Variants in ADAM12 observed in about 807,000 individuals in gnomAD.
The protein encoded by ADAM12 is ADAM metallopeptidase domain 12.
Under a neutral mutation model 106.4 loss-of-function variants are expected in ADAM12, and 70 were observed. That is an observed-to-expected ratio of 0.66 (90% CI 0.54 to 0.80). ADAM12 has a LOEUF of 0.80. ADAM12 is among the 30% of genes least tolerant of loss of function. ADAM12 has a pLI of 0.00. For missense variants in ADAM12, 1,010 were observed against 1,171.9 expected (o/e 0.86, Z 2.02); for synonymous variants, 420 against 433.5 (o/e 0.97, Z 0.39).
At chr10:126,141,236 C>T (rs1382310683) in intron 4 of ADAM12, among the ~76,000 whole-genome samples, 1 of 152,212 alleles carries the variant, frequency 6.6e-6, no homozygotes, top group Non-Finnish European at 1.5e-5. Context: ...GCAGACCTTC[C>T]AACACTGCAT....
intron 21 of ADAM12, among the ~76,000 whole-genome samples, chr10:126,020,142 G>A (rs1590292077): frequency 6.6e-6 from 1 of 152,140 alleles, no homozygotes; most frequent in East Asian, 1.9e-4. Context: ...TTTTAGTTAG[G>A]CGGCTTCTCT....
chr10:126,086,651 CAAAAA>C (rs1171936921), intron 11 of ADAM12, among the ~76,000 whole-genome samples: 1 of 16,924 alleles, frequency 5.9e-5, no homozygotes, highest in Non-Finnish European at 1.0e-4. Flanking sequence ...GACTCTGCCT[CAAAAA>C]AAAAAAAAAA....
rs544757233 is a variant in ADAM12 at position 126,029,896 on chromosome 10, A to G, written c.2529+6250T>C. Among the ~76,000 whole-genome samples the G allele has an allele frequency of 4.1e-4, 62 of 152,348 alleles. No homozygotes were observed. The South Asian group carries it at 8.5e-3, about 21-fold the overall frequency. ...CACTGTGTTGGTGAGGAGCTGGATAATAGAATAGCTGAAACAGCTCCTTTA... is the reference window on the plus strand; with the variant it reads ...CACTGTGTTGGTGAGGAGCTGGATAGTAGAATAGCTGAAACAGCTCCTTTA... On this transcript the variant is annotated intron_variant, in intron 21 of 22. Coordinates refer to ENST00000448723, the MANE Select transcript of ADAM12 (RefSeq NM_001288973.2).
At chr10:126,122,083 C>T (rs1956126161) in intron 5 of ADAM12, among the ~76,000 whole-genome samples, 1 of 152,282 alleles carries the variant, frequency 6.6e-6, no homozygotes, top group Middle Eastern at 3.4e-3. Flanking sequence ...ATTTGAAGAA[C>T]CGTAACACTT....
At chr10:126,068,891 A>G (rs914099785) in intron 12 of ADAM12, among the ~76,000 whole-genome samples, 12 of 152,242 alleles carry the variant, frequency 7.9e-5, no homozygotes, top group African/African-American at 2.9e-4. Context: ...TCTTAATCAC[A>G]ATGAACTGGG....
chr10:126,206,646 T>G (rs985003492), intron 3 of ADAM12, among the ~76,000 whole-genome samples: 1 of 152,164 alleles, frequency 6.6e-6, no homozygotes, highest in Non-Finnish European at 1.5e-5. Flanking sequence ...AATTATAAGA[T>G]TACATGGCTG....
intron 3 of ADAM12, among the ~76,000 whole-genome samples, chr10:126,227,757 AG>A (rs1368534823): frequency 6.6e-6 from 1 of 152,112 alleles, no homozygotes; most frequent in African/African-American, 2.4e-5. Flanking sequence ...TTTCCTTCCC[AG>A]GGACCCCACT....
Position 126,015,976 on chromosome 10 carries a change from G to A in ADAM12, c.*1303C>T, listed in dbSNP as rs1953653863. On this transcript the variant is annotated 3_prime_UTR_variant, in exon 23 of 23. Coordinates refer to ENST00000448723, the MANE Select transcript of ADAM12 (RefSeq NM_001288973.2). ...CCAAGCCAGCATCTCATAATATTTA[G>A]GAAGTTGATAAGCAAGTTGATTTCC... 6.6e-6 allele frequency: 1 copy of A among 152,136 alleles called. No homozygotes were observed. The highest frequency in any genetic ancestry group is 2.1e-4 in the South Asian group (1 of 4,824). The allele number at this position is 152,136 out of a possible 1,614,324, so 9.4% of individuals were successfully genotyped here. A position where few individuals can be genotyped will look rare whatever the true frequency, so the allele number is the denominator to read the frequency against.
intron 2 of ADAM12, among the ~76,000 whole-genome samples, chr10:126,297,078 C>A (rs932961002): frequency 6.6e-6 from 1 of 152,168 alleles, no homozygotes; most frequent in African/African-American, 2.4e-5. Context: ...ATAAGGCAGT[C>A]TGGAAACAGT....
chr10:126,288,472 G>GAGC (rs1341346660), intron 2 of ADAM12, among the ~76,000 whole-genome samples: 4 of 152,136 alleles, frequency 2.6e-5, no homozygotes, highest in Non-Finnish European at 4.4e-5. Context: ...GCAGCAGCAA[G>GAGC]AGCAGCAGCA....
chr10:126,321,258 A>G (rs1459373145), intron 2 of ADAM12, among the ~76,000 whole-genome samples: 1 of 152,220 alleles, frequency 6.6e-6, no homozygotes. Flanking sequence ...AAATCATGAT[A>G]TCTCCTGCAT....
chr10:126,306,980 T>C (rs1023207997), intron 2 of ADAM12, among the ~76,000 whole-genome samples: 4 of 152,200 alleles, frequency 2.6e-5, no homozygotes, highest in Admixed American at 6.5e-5. Context: ...CCTTTCCTTA[T>C]AGGATTCCAG....
Position 126,064,004 on chromosome 10 carries a change from C to G in ADAM12, c.1609+802G>C, listed in dbSNP as rs559661251. Among the ~76,000 whole-genome samples, 3 of 152,352 alleles carry G rather than the reference C, an allele frequency of 2.0e-5. No individual in the cohort carries two copies. The highest frequency in any genetic ancestry group is 4.8e-5 in the African/African-American group (2 of 41,592). On this transcript the variant is annotated intron_variant, in intron 14 of 22. Coordinates refer to ENST00000448723, the MANE Select transcript of ADAM12 (RefSeq NM_001288973.2). The surrounding 1 kb of genome is among the most constrained non-coding windows in gnomAD (Gnocchi z 4.4). ...GGAGTAACACATGGGCATTGGGTCA[C>G]AGTAACCCAGGTTCAAATCCTAGCC...
chr10:126,223,915 G>A (rs543230028), intron 3 of ADAM12, among the ~76,000 whole-genome samples: 4 of 152,310 alleles, frequency 2.6e-5, no homozygotes, highest in African/African-American at 7.2e-5. Context: ...CTGGGGGTTC[G>A]TGCCCAGACT....
chr10:126,062,157 G>A (rs560272492), intron 14 of ADAM12, among the ~76,000 whole-genome samples: 1 of 152,320 alleles, frequency 6.6e-6, no homozygotes, highest in African/African-American at 2.4e-5. Flanking sequence ...GGCTTCCCAA[G>A]CCTGGTCTCT....
intron 21 of ADAM12, among the ~76,000 whole-genome samples, chr10:126,029,626 T>C (rs573710900): frequency 6.6e-6 from 1 of 152,296 alleles, no homozygotes; most frequent in South Asian, 2.1e-4. Context: ...ACCTGGGTGA[T>C]GAGATCTGTG....
Position 126,077,782 on chromosome 10 carries a change from A to G in ADAM12, c.1146-6128T>C, listed in dbSNP as rs944513666. On this transcript the variant is annotated intron_variant, in intron 11 of 22. Transcript: ENST00000448723. ...TTAAAGATTTAAAGGTGTTTTTCAT[A>G]AGAACTCCAAACCCTTATTCCCCCA... Among the ~76,000 whole-genome samples the G allele has an allele frequency of 3.3e-4, 50 of 152,226 alleles. 1 individual carries two copies. Among genetic ancestry groups the G allele is most frequent in the Non-Finnish European group, 4.4e-5 (3 of 68,038 alleles).
In ADAM12 at chr10:126,049,362, G is replaced by A. The variant is rs1021532685; in HGVS notation, c.1808C>T (p.Pro603Leu). The stretch of plus-strand genomic sequence containing the variant: ...CAGAATCCGGCCTCCTTGCTGCAGG[G>A]GGATGTTTGTTTCTATGGAAACGGC... ...TNAVSIETNI[P>L]LQQGGRILCR... Residue 603 changes from proline to leucine, a missense_variant, in exon 16 of 23, where the codon CCC becomes CTC. Transcript: ENST00000448723. This position sits in a 1 kb window ranked among gnomAD's most constrained non-coding sequence, Gnocchi z 4.4. 1.2e-6 allele frequency: 2 copies of A among 1,614,206 alleles called. No individual in the cohort carries two copies. The highest frequency in any genetic ancestry group is 1.6e-4 in the Middle Eastern group (1 of 6,062).
chr10:126,031,801 G>A (rs1953975500), intron 21 of ADAM12, among the ~76,000 whole-genome samples: 1 of 152,178 alleles, frequency 6.6e-6, no homozygotes, highest in South Asian at 2.1e-4. Flanking sequence ...CTGAACTGAA[G>A]ATCTCCACCT....
Sources: gnomAD v4.1 joint callset for allele counts (sites outside exome capture counted in the v4.1 genomes callset) on GRCh38, gnomAD v4.1.1 for gene constraint, Gnocchi (gnomAD v3.1) non-coding constraint, MANE v1.5 for transcripts, NCBI Gene and HGNC (gene_info 2026-07-23, HGNC 2026-07-21) for gene names.